The following CRACDL variants were observed in gnomAD, a reference collection of about 807,000 sequenced individuals.
CRACDL encodes the protein CRACD-like protein.
In CRACDL, 26 loss-of-function variants were observed where a neutral mutation model predicts 70.6. The observed-to-expected ratio is 0.37, with a 90% CI of 0.27 to 0.51. The LOEUF is 0.51. Among genes scored for constraint, CRACDL ranks in the 20% least tolerant of loss-of-function variants. CRACDL has a pLI of 0.94. For synonymous variants in CRACDL, 618 were observed against 615.2 expected (o/e 1.00, Z -0.07); for missense variants, 1,283 against 1,376.9 (o/e 0.93, Z 1.08).
intron 1 of CRACDL, among the ~76,000 whole-genome samples, chr2:98,884,661 C>T (rs930200116): frequency 6.6e-6 from 1 of 152,214 alleles, no homozygotes; most frequent in African/African-American, 2.4e-5. Context: ...GTGGAGCCCT[C>T]ACAAATGGGA....
chr2:98,814,271 A>AT (rs1416186143), intron 7 of CRACDL, among the ~76,000 whole-genome samples: 2 of 151,502 alleles, frequency 1.3e-5, no homozygotes, highest in Non-Finnish European at 2.9e-5. Context: ...GCTTTGAAAC[A>AT]TTTTTTCTTT....
At chr2:98,929,754 A>C (rs1180628469) in intron 1 of CRACDL, among the ~76,000 whole-genome samples, 3 of 152,106 alleles carry the variant, frequency 2.0e-5, no homozygotes, top group East Asian at 1.9e-4. Flanking sequence ...GGGAACATTC[A>C]ATTTTGAAGA....
intron 1 of CRACDL, among the ~76,000 whole-genome samples, chr2:98,932,680 C>A (rs1709107118): frequency 6.6e-6 from 1 of 152,174 alleles, no homozygotes. Context: ...AAGTCTCCAG[C>A]AGCCCCGACG....
At chr2:98,850,335 A>C (rs1189949900) in intron 1 of CRACDL, among the ~76,000 whole-genome samples, 1 of 152,220 alleles carries the variant, frequency 6.6e-6, no homozygotes, top group Non-Finnish European at 1.5e-5. Context: ...GAAACACCCC[A>C]CAGCTGTGAC....
At position 98,832,912 on chromosome 2, in the gene CRACDL, C is replaced by T; in HGVS notation, c.325G>A (p.Val109Met). 2 of 1,614,220 alleles carry T rather than the reference C, an allele frequency of 1.2e-6. No homozygotes were observed. The highest frequency in any genetic ancestry group is 1.7e-6 in the Non-Finnish European group (2 of 1,180,024). ...PESGQDATRP[V>M]RVFSQENVCD... is the part of the protein sequence containing the mutation. ...ACATTTTCTTGGGAAAACACCCGCA[C>T]AGGCCGAGTAGCGTCCTGTCCGGAC... The change falls in exon 4 of 10, where the codon GTG becomes ATG. Residue 109 changes from valine (V) to methionine (M), a missense_variant. Physicochemically the swap from Val to Met is conservative, Grantham distance 21. Around this residue, in one of 2 missense-constraint regions of CRACDL, gnomAD observed 362 missense variants for 495.0 expected, o/e 0.73. Coordinates refer to ENST00000397899, the MANE Select transcript of CRACDL (RefSeq NM_207362.3).
chr2:98,858,075 G>A (rs1219973043), intron 1 of CRACDL, among the ~76,000 whole-genome samples: 2 of 152,100 alleles, frequency 1.3e-5, no homozygotes, highest in Non-Finnish European at 2.9e-5. Flanking sequence ...TAACAAATGA[G>A]TCAAAGAATA....
intron 3 of CRACDL, among the ~76,000 whole-genome samples, chr2:98,834,961 G>T (rs1575367303): frequency 6.6e-6 from 1 of 152,108 alleles, no homozygotes; most frequent in Admixed American, 6.5e-5. Flanking sequence ...ATTGCACTCT[G>T]TAGTTTTATT....
At chr2:98,887,126 A>T (rs1211765299) in intron 1 of CRACDL, among the ~76,000 whole-genome samples, 1 of 152,194 alleles carries the variant, frequency 6.6e-6, no homozygotes, top group African/African-American at 2.4e-5. Context: ...CTAAAAGAAG[A>T]AAGATTCAGT....
At chr2:98,798,151 C>T (rs1001570380) in intron 7 of CRACDL, among the ~76,000 whole-genome samples, 11 of 152,180 alleles carry the variant, frequency 7.2e-5, no homozygotes, top group African/African-American at 2.7e-4. Flanking sequence ...TCGAGACCAA[C>T]TTGGTCAACA....
chr2:98,934,295 T>C (rs1486528693), intron 1 of CRACDL, among the ~76,000 whole-genome samples: 2 of 151,154 alleles, frequency 1.3e-5, no homozygotes, highest in Admixed American at 1.3e-4. Flanking sequence ...ACGTCCCTGG[T>C]TCAAGCAATT....
intron 1 of CRACDL, among the ~76,000 whole-genome samples, chr2:98,917,938 GA>G (rs1558639106): frequency 2.0e-5 from 3 of 152,132 alleles, no homozygotes; most frequent in Non-Finnish European, 4.4e-5. Flanking sequence ...CATGTTGCTG[GA>G]AAAGATATGC....
chr2:98,809,009 T>A (rs919414558), intron 7 of CRACDL, among the ~76,000 whole-genome samples: 1 of 152,174 alleles, frequency 6.6e-6, no homozygotes, highest in East Asian at 1.9e-4. Flanking sequence ...TGGTCCCCCA[T>A]CCCAGGTAGA....
At chr2:98,928,916 C>T (rs542794762) in intron 1 of CRACDL, among the ~76,000 whole-genome samples, 7 of 152,130 alleles carry the variant, frequency 4.6e-5, no homozygotes, top group South Asian at 2.1e-4. Flanking sequence ...ATTCGGTTCC[C>T]GTAGAAATGA....
intron 1 of CRACDL, among the ~76,000 whole-genome samples, chr2:98,920,823 C>T (rs1708785509): frequency 6.6e-6 from 1 of 152,184 alleles, no homozygotes; most frequent in African/African-American, 2.4e-5. Context: ...TGTGAAAGCA[C>T]ACCCCACCAT....
chr2:98,858,695 C>A (rs960500194), intron 1 of CRACDL, among the ~76,000 whole-genome samples: 3 of 151,838 alleles, frequency 2.0e-5, no homozygotes, highest in Non-Finnish European at 2.9e-5. Context: ...ATCAATGCAA[C>A]AAAAAGTTGG....
At chr2:98,907,175 C>G (rs1207944474) in intron 1 of CRACDL, among the ~76,000 whole-genome samples, 8 of 152,106 alleles carry the variant, frequency 5.3e-5, no homozygotes, top group Non-Finnish European at 4.4e-5. Flanking sequence ...ACCTATAATC[C>G]CAGCTACTCA....
chr2:98,893,937 C>T (rs1326636704), intron 1 of CRACDL, among the ~76,000 whole-genome samples: 1 of 152,210 alleles, frequency 6.6e-6, no homozygotes, highest in African/African-American at 2.4e-5. Context: ...GAGGCGCTGA[C>T]TGAATTCACT....
At chr2:98,802,287 G>A (rs1007822535) in intron 7 of CRACDL, among the ~76,000 whole-genome samples, 35 of 152,374 alleles carry the variant, frequency 2.3e-4, no homozygotes, top group African/African-American at 7.7e-4. Context: ...CCACGGCGGC[G>A]CTCTCTCCTC....
rs147425798 is a variant in CRACDL, at chr2:98,796,767, T to C, written c.2605-503A>G. ...AACACACAGATTCATCACGGTGCTA[T>C]TGGGGGATACAAAAATTGCGAGTCT... On this transcript the variant is annotated intron_variant, in intron 8 of 9. Transcript: ENST00000397899. Among the ~76,000 whole-genome samples the C allele has an allele frequency of 2.8e-3, 421 of 152,290 alleles. 1 individual carries two copies. Among genetic ancestry groups the C allele is most frequent in the African/African-American group, 9.2e-3 (382 of 41,558 alleles).
Sources: gnomAD v4.1 joint callset for allele counts (sites outside exome capture counted in the v4.1 genomes callset) on GRCh38, gnomAD v4.1.1 for gene constraint, gnomAD v4.1.1 regional missense constraint, MANE v1.5 for transcripts, NCBI Gene and HGNC (gene_info 2026-07-23, HGNC 2026-07-21) for gene names.